Variants in TUSC3 observed in about 807,000 individuals in gnomAD.
The protein encoded by TUSC3 is tumor suppressor candidate 3, also known as dolichyl-diphosphooligosaccharide--protein glycosyltransferase subunit TUSC3.
Under a neutral mutation model 44.8 loss-of-function variants are expected in TUSC3, and 45 were observed. The observed-to-expected ratio is 1.00, with a 90% CI of 0.79 to 1.29. The LOEUF is 1.29. TUSC3 is among the 50% of genes most tolerant of loss of function. The probability of loss-of-function intolerance (pLI) is 0.00; values close to 1 mark genes in which losing one functional copy is unlikely to be tolerated. For missense variants in TUSC3, 519 were observed against 437.9 expected (o/e 1.19, Z -1.65); for synonymous variants, 212 against 152.9 (o/e 1.39, Z -2.85).
At chr8:15,523,702 G>GTATATATATATATATA (rs1563273682) in intron 2 of TUSC3, among the ~76,000 whole-genome samples, 5 of 112,040 alleles carry the variant, frequency 4.5e-5, no homozygotes, top group African/African-American at 1.6e-4. Flanking sequence ...GTGTGTGTGT[G>GTATATATATATATATA]TGTGTGTATA....
intron 1 of TUSC3, among the ~76,000 whole-genome samples, chr8:15,545,740 T>G (rs112173344): frequency 5.9e-5 from 9 of 151,928 alleles, no homozygotes; most frequent in African/African-American, 2.2e-4. Flanking sequence ...TAACTCAAGC[T>G]AAAGAGTAAT....
chr8:15,446,433 G>C (rs1189248192), intron 1 of TUSC3, among the ~76,000 whole-genome samples: 1 of 152,034 alleles, frequency 6.6e-6, no homozygotes, highest in African/African-American at 2.4e-5. Flanking sequence ...TCCAGCCTGG[G>C]CAACATTGAG....
intron 5 of TUSC3, among the ~76,000 whole-genome samples, chr8:15,668,484 A>G (rs1807780089): frequency 1.3e-5 from 2 of 151,920 alleles, no homozygotes; most frequent in South Asian, 4.1e-4. Flanking sequence ...AGATACAAAG[A>G]TAAGACAAGT....
chr8:15,780,779 C>A, the TUSC3 span, among the ~76,000 whole-genome samples: 2 of 152,156 alleles, frequency 1.3e-5, no homozygotes, highest in Non-Finnish European at 2.9e-5. Context: ...CTTTTTACAG[C>A]TACCACCTGA....
chr8:15,477,379 T>G (rs1800592362), intron 1 of TUSC3, among the ~76,000 whole-genome samples: 1 of 152,166 alleles, frequency 6.6e-6, no homozygotes, highest in Non-Finnish European at 1.5e-5. Context: ...AATAATTACT[T>G]GCAATCAACT....
chr8:15,425,683 T>C (rs184682651), intron 1 of TUSC3, among the ~76,000 whole-genome samples: 18 of 152,258 alleles, frequency 1.2e-4, no homozygotes, highest in African/African-American at 3.4e-4. Flanking sequence ...GAGCCAAAGA[T>C]TATATTATTC....
intron 1 of TUSC3, among the ~76,000 whole-genome samples, chr8:15,433,886 A>G (rs1799911321): frequency 6.6e-6 from 1 of 152,144 alleles, no homozygotes; most frequent in Non-Finnish European, 1.5e-5. Context: ...AGCTATAAAT[A>G]TTTTATATAC....
At chr8:15,451,066 A>G (rs961571515) in intron 1 of TUSC3, among the ~76,000 whole-genome samples, 2 of 152,152 alleles carry the variant, frequency 1.3e-5, no homozygotes, top group Non-Finnish European at 2.9e-5. Context: ...CTTTGGGTTC[A>G]AAATCTAATC....
intron 1 of TUSC3, among the ~76,000 whole-genome samples, chr8:15,606,613 G>A (rs1243300051): frequency 6.6e-6 from 1 of 152,004 alleles, no homozygotes; most frequent in Non-Finnish European, 1.5e-5. Context: ...ATACTGTCTT[G>A]TTTCATACCA....
At chr8:15,693,830 C>G (rs1809029056) in intron 6 of TUSC3, among the ~76,000 whole-genome samples, 1 of 152,000 alleles carries the variant, frequency 6.6e-6, no homozygotes, top group African/African-American at 2.4e-5. Context: ...TACATAGGTT[C>G]TGTTCATTCT....
At chr8:15,769,752 G>A (rs1000404476), downstream of TUSC3, among the ~76,000 whole-genome samples, 1 of 152,062 alleles carries the variant, frequency 6.6e-6, no homozygotes, top group Admixed American at 6.5e-5. Context: ...TCAAAAAGTG[G>A]GCAAAGGATA....
chr8:15,558,606 G>C (rs1802347176), intron 1 of TUSC3, among the ~76,000 whole-genome samples: 1 of 97,952 alleles, frequency 1.0e-5, no homozygotes, highest in South Asian at 3.2e-4. Flanking sequence ...TGTATCTCTG[G>C]TAGAATTCAG....
chr8:15,636,241 G>T (rs932340166), intron 2 of TUSC3, among the ~76,000 whole-genome samples: 2 of 152,100 alleles, frequency 1.3e-5, no homozygotes, highest in Non-Finnish European at 2.9e-5. Flanking sequence ...ACTCAGGCCT[G>T]GGCATTTAGG....
the TUSC3 span, among the ~76,000 whole-genome samples, chr8:15,807,558 G>C: frequency 2.0e-5 from 3 of 152,034 alleles, no homozygotes; most frequent in Admixed American, 6.6e-5. Flanking sequence ...CTCCCAAAAA[G>C]ACATATACTT....
chr8:15,833,386 T>A, the TUSC3 span, among the ~76,000 whole-genome samples: 2 of 152,170 alleles, frequency 1.3e-5, 1 homozygote, highest in South Asian at 4.1e-4. Context: ...ATAAATCATT[T>A]TAACATGAAG....
At chr8:15,590,084 A>C (rs908480564) in intron 1 of TUSC3, among the ~76,000 whole-genome samples, 2 of 152,212 alleles carry the variant, frequency 1.3e-5, no homozygotes, top group African/African-American at 4.8e-5. Context: ...CATCTGACTT[A>C]GTATTTAGGA....
the TUSC3 span, among the ~76,000 whole-genome samples, chr8:15,782,442 G>A: frequency 5.5e-4 from 83 of 152,236 alleles, no homozygotes; most frequent in African/African-American, 1.9e-3. Flanking sequence ...ATGCACCACT[G>A]CACTCGAGCC....
intron 1 of TUSC3, among the ~76,000 whole-genome samples, chr8:15,430,560 A>G (rs987089131): frequency 2.6e-5 from 4 of 151,282 alleles, no homozygotes; most frequent in African/African-American, 9.8e-5. Flanking sequence ...TCCCTTTGCA[A>G]ACTGGCACAA....
intron 2 of TUSC3, among the ~76,000 whole-genome samples, chr8:15,627,556 G>A (rs56067549): frequency 0.073 from 11,142 of 152,304 alleles, 848 homozygotes; most frequent in African/African-American, 0.2. Flanking sequence ...GAGAAGAAGA[G>A]AATAGCTGTG....
Sources: allele counts gnomAD v4.1 joint callset (sites outside exome capture counted in the v4.1 genomes callset), GRCh38; gene constraint gnomAD v4.1.1; transcripts MANE v1.5; gene names NCBI Gene and HGNC (gene_info 2026-07-23, HGNC 2026-07-21).